NXPH1: variants seen among roughly 807,000 people sequenced by gnomAD.
NXPH1 encodes neurexophilin-1.
A neutral mutation model predicts 23.7 loss-of-function variants in NXPH1; 5 were observed. The ratio of observed to expected loss-of-function variants is 0.21; its 90% CI spans 0.11 to 0.44. NXPH1 has a LOEUF of 0.44. Among genes scored for constraint, NXPH1 ranks in the 20% least tolerant of loss-of-function variants. The probability of loss-of-function intolerance (pLI) is 0.99; values close to 1 mark genes in which losing one functional copy is unlikely to be tolerated. For missense variants in NXPH1, 324 were observed against 321.6 expected, an observed-to-expected ratio of 1.01 and a Z score of -0.06; for synonymous variants, 144 against 122.2, an observed-to-expected ratio of 1.18 and a Z score of -1.18.
At chr7:8,598,218 G>T (rs181590390) in intron 2 of NXPH1, among the ~76,000 whole-genome samples, 1 of 152,010 alleles carries the variant, frequency 6.6e-6, no homozygotes, top group African/African-American at 2.4e-5. Flanking sequence ...TTCTCCCAGC[G>T]TCTAAGCAGC....
Position 8,668,259 on chromosome 7 carries a change from T to TG in NXPH1, c.55-82749_55-82748insG, listed in dbSNP as rs1386238570. Among the ~76,000 whole-genome samples, 8 of 81,212 alleles carry TG rather than the reference T, an allele frequency of 9.9e-5. No homozygotes were observed. In the East Asian group the frequency reaches 8.7e-3, roughly 88 times the overall value. 53.3% of individuals were successfully genotyped at this position (81,212 alleles called of 152,430 possible). On this transcript the variant is annotated intron_variant, in intron 2 of 2. Coordinates refer to ENST00000405863, the MANE Select transcript of NXPH1 (RefSeq NM_152745.3). ...TTTGATGGTGTTATGTCTCTTTGTTTTTTTTTTTTTATTTTGTTGTTGTTG... is the reference window on the plus strand; with the variant it reads ...TTTGATGGTGTTATGTCTCTTTGTTTGTTTTTTTTTTATTTTGTTGTTGTTG...
intron 2 of NXPH1, among the ~76,000 whole-genome samples, chr7:8,736,928 C>G (rs933790477): frequency 1.3e-5 from 2 of 151,086 alleles, no homozygotes; most frequent in Non-Finnish European, 2.9e-5. Flanking sequence ...AGTCTGTTTT[C>G]TCAGAGACTA....
chr7:8,504,325 G>C (rs190270311), intron 2 of NXPH1, among the ~76,000 whole-genome samples: 131 of 151,684 alleles, frequency 8.6e-4, no homozygotes, highest in African/African-American at 2.8e-3. Context: ...TTTCTTTCTT[G>C]TTTCCTTTCT....
chr7:8,581,249 A>G (rs1293092640), intron 2 of NXPH1, among the ~76,000 whole-genome samples: 2 of 152,218 alleles, frequency 1.3e-5, no homozygotes, highest in Non-Finnish European at 2.9e-5. Context: ...AATAATATGT[A>G]TTAGTCCATT....
At chr7:8,574,314 A>G (rs537923186) in intron 2 of NXPH1, among the ~76,000 whole-genome samples, 5 of 152,144 alleles carry the variant, frequency 3.3e-5, no homozygotes, top group Admixed American at 2.6e-4. Flanking sequence ...GGGTCTTTCT[A>G]TGTTGCCCAG....
At chr7:8,542,053 G>C (rs1313380936) in intron 2 of NXPH1, among the ~76,000 whole-genome samples, 2 of 151,370 alleles carry the variant, frequency 1.3e-5, no homozygotes, top group African/African-American at 4.8e-5. Flanking sequence ...TGAAAAGGCA[G>C]ATATTGTCAG....
At chr7:8,525,126 A>G (rs1254888236) in intron 2 of NXPH1, among the ~76,000 whole-genome samples, 1 of 152,216 alleles carries the variant, frequency 6.6e-6, no homozygotes, top group African/African-American at 2.4e-5. Context: ...GATATGGACA[A>G]TAAAATTTAG....
intron 2 of NXPH1, among the ~76,000 whole-genome samples, chr7:8,709,871 A>G (rs1779759995): frequency 6.6e-6 from 1 of 152,226 alleles, no homozygotes; most frequent in South Asian, 2.1e-4. Context: ...TAGGCTATAT[A>G]TCTTTACCAG....
intron 2 of NXPH1, among the ~76,000 whole-genome samples, chr7:8,665,032 T>C (rs1820738039): frequency 6.6e-6 from 1 of 151,792 alleles, no homozygotes; most frequent in African/African-American, 2.4e-5. Flanking sequence ...TGTTATGTAA[T>C]CCAATTGTCT....
intron 2 of NXPH1, among the ~76,000 whole-genome samples, chr7:8,596,360 C>A (rs1267038921): frequency 6.6e-6 from 1 of 151,986 alleles, no homozygotes; most frequent in East Asian, 1.9e-4. Context: ...GAATAGCGTA[C>A]CTGGAAGGAG....
At chr7:8,623,293 TG>T (rs1424116765) in intron 2 of NXPH1, among the ~76,000 whole-genome samples, 1 of 152,042 alleles carries the variant, frequency 6.6e-6, no homozygotes, top group Non-Finnish European at 1.5e-5. Context: ...TAGAAAATAC[TG>T]GGGAAATTGG....
At chr7:8,744,781 G>A (rs957144200) in intron 2 of NXPH1, among the ~76,000 whole-genome samples, 1 of 152,092 alleles carries the variant, frequency 6.6e-6, no homozygotes, top group Non-Finnish European at 1.5e-5. Context: ...CCTTTTTTAT[G>A]TTTCTATTTA....
intron 2 of NXPH1, among the ~76,000 whole-genome samples, chr7:8,686,103 C>T (rs887388214): frequency 6.6e-6 from 1 of 152,110 alleles, no homozygotes; most frequent in Admixed American, 6.6e-5. Flanking sequence ...TTATCCTCTC[C>T]TATCCCAACC....
At chr7:8,557,505 C>A (rs912169783) in intron 2 of NXPH1, among the ~76,000 whole-genome samples, 2 of 151,466 alleles carry the variant, frequency 1.3e-5, no homozygotes, top group African/African-American at 2.4e-5. Flanking sequence ...AAATTATTGA[C>A]CCCTCCACTC....
chr7:8,739,171 T>TAAAAAAAAA (rs34593997), intron 2 of NXPH1, among the ~76,000 whole-genome samples: 23 of 54,046 alleles, frequency 4.3e-4, no homozygotes, highest in African/African-American at 5.3e-4. Context: ...ACCAGTGGGG[T>TAAAAAAAAA]AAAAAAAAAA....
chr7:8,569,070 G>T (rs1370549994), intron 2 of NXPH1, among the ~76,000 whole-genome samples: 1 of 151,850 alleles, frequency 6.6e-6, no homozygotes, highest in African/African-American at 2.4e-5. Context: ...AGTAATTAAT[G>T]CATCAGGTTG....
chr7:8,444,789 T>C (rs1014174198), intron 2 of NXPH1, among the ~76,000 whole-genome samples: 1 of 152,144 alleles, frequency 6.6e-6, no homozygotes, highest in Non-Finnish European at 1.5e-5. Context: ...ATAACCTAAC[T>C]CCTCCTTCAT....
At chr7:8,508,776 T>C (rs895586016) in intron 2 of NXPH1, among the ~76,000 whole-genome samples, 1 of 152,078 alleles carries the variant, frequency 6.6e-6, no homozygotes, top group African/African-American at 2.4e-5. Flanking sequence ...AATGAATACA[T>C]AGCACAGTGA....
At chr7:8,525,089 A>G (rs548856191) in intron 2 of NXPH1, among the ~76,000 whole-genome samples, 3 of 152,340 alleles carry the variant, frequency 2.0e-5, no homozygotes, top group East Asian at 3.9e-4. Context: ...AGACTTGTTG[A>G]ATGGCTTTGC....
Sources: allele counts gnomAD v4.1 joint callset (sites outside exome capture counted in the v4.1 genomes callset), GRCh38; gene constraint gnomAD v4.1.1; transcripts MANE v1.5; gene names NCBI Gene and HGNC (gene_info 2026-07-23, HGNC 2026-07-21).